Variants in ERBIN observed in about 807,000 individuals in gnomAD.
ERBIN encodes the protein erbb2 interacting protein.
In ERBIN, 60 loss-of-function variants were observed where a neutral mutation model predicts 158.4. The ratio of observed to expected loss-of-function variants is 0.38; its 90% CI spans 0.31 to 0.47. ERBIN has a LOEUF of 0.47. Among genes scored for constraint, ERBIN ranks in the 20% least tolerant of loss-of-function variants. The pLI is 0.99. For missense variants in ERBIN, 1,610 were observed against 1,648.0 expected, an observed-to-expected ratio of 0.98 and a Z score of 0.40; for synonymous variants, 594 against 557.2, an observed-to-expected ratio of 1.07 and a Z score of -0.93.
At chr5:65,962,853 C>G (rs575025909) in intron 1 of ERBIN, among the ~76,000 whole-genome samples, 2 of 152,224 alleles carry the variant, frequency 1.3e-5, no homozygotes, top group East Asian at 1.9e-4. Flanking sequence ...AAGGATGGTT[C>G]TAAAATTTAA....
intron 1 of ERBIN, among the ~76,000 whole-genome samples, chr5:65,976,577 A>G (rs965294794): frequency 5.1e-4 from 75 of 147,144 alleles, no homozygotes; most frequent in African/African-American, 1.7e-3. Context: ...GGGATTTGGC[A>G]GGGTCACAGG....
At chr5:65,962,058 G>C (rs1747986465) in intron 1 of ERBIN, among the ~76,000 whole-genome samples, 1 of 152,148 alleles carries the variant, frequency 6.6e-6, no homozygotes, top group Admixed American at 6.5e-5. Context: ...TTACTAGAGT[G>C]CTTGACTATG....
At chr5:66,013,992 A>G (rs746795783) in intron 6 of ERBIN, among the ~76,000 whole-genome samples, 8 of 152,134 alleles carry the variant, frequency 5.3e-5, no homozygotes, top group African/African-American at 9.7e-5. Flanking sequence ...TTCTTAAGAA[A>G]AGAGAATCTG....
rs56222591 is a variant in ERBIN at position 65,987,367 on chromosome 5, T to TACAC, written c.-57-1243_-57-1240dup. Among the ~76,000 whole-genome samples the TACAC allele has an allele frequency of 7.2e-3, 971 of 135,762 alleles. 6 individuals are homozygous for TACAC. The highest frequency in any genetic ancestry group is 0.01 in the Non-Finnish European group (665 of 64,218). The allele number at this position is 135,762 out of a possible 152,430, so 89.1% of individuals were successfully genotyped here. ...TTGGGCAACATAGTGAGAGACTGTC[T>TACAC]ACACACACACACACACACACACACA... On this transcript the variant is annotated intron_variant, in intron 1 of 25. Coordinates refer to ENST00000284037, the MANE Select transcript of ERBIN (RefSeq NM_001253697.2).
Position 65,932,337 on chromosome 5 carries a change from C to CAA in ERBIN, c.-58+5549_-58+5550dup, listed in dbSNP as rs1040732361. Among the ~76,000 whole-genome samples, 253 of 54,592 alleles carry CAA rather than the reference C, an allele frequency of 4.6e-3. 1 individual carries two copies. Among genetic ancestry groups the CAA allele is most frequent in the African/African-American group, 0.013 (213 of 16,618 alleles). The allele number at this position is 54,592 out of a possible 152,430, so 35.8% of individuals were successfully genotyped here. ...CTGGCGACAGAGCAAGACTCCGTCTCAAAAAAAAAAAAAAAAAAAGACATA... is the reference window on the plus strand; with the variant it reads ...CTGGCGACAGAGCAAGACTCCGTCTCAAAAAAAAAAAAAAAAAAAAAGACATA... On this transcript the variant is annotated intron_variant, in intron 1 of 25. Transcript: ENST00000284037.
chr5:65,956,319 T>TA (rs1285671636), intron 1 of ERBIN, among the ~76,000 whole-genome samples: 1 of 151,992 alleles, frequency 6.6e-6, no homozygotes, highest in Non-Finnish European at 1.5e-5. Flanking sequence ...TTCATTTACT[T>TA]ATCTTTTCAC....
intron 14 of ERBIN, among the ~76,000 whole-genome samples, chr5:66,036,693 T>C (rs1172513965): frequency 6.6e-6 from 1 of 152,218 alleles, no homozygotes; most frequent in Non-Finnish European, 1.5e-5. Context: ...CTCACCACTC[T>C]GTACACAGGA....
At position 65,990,828 on chromosome 5, in the gene ERBIN, A is replaced by G. The variant is rs559697562; in HGVS notation, c.-9-1882A>G. On this transcript the variant is annotated intron_variant, in intron 2 of 25. Coordinates refer to ENST00000284037, the MANE Select transcript of ERBIN (RefSeq NM_001253697.2). The stretch of plus-strand genomic sequence containing the variant: ...CAGGCTGGAGTGCAGTGGCACAATC[A>G]CGGCTCACTGCAGCCTCTGCCTCCC... 2.0e-5 allele frequency among the ~76,000 whole-genome samples: 3 copies of G among 151,440 alleles called. No homozygotes were observed. The South Asian group carries it at 6.3e-4, about 32-fold the overall frequency.
rs894358030 is a variant in ERBIN at position 66,080,501 on chromosome 5, A to G, written c.*1971A>G. 5.3e-5 allele frequency: 8 copies of G among 151,308 alleles called. No homozygotes were observed. The highest frequency in any genetic ancestry group is 4.6e-4 in the Admixed American group (7 of 15,184). 9.4% of individuals were successfully genotyped at this position (151,308 alleles called of 1,614,324 possible). ...TCTAAAAAAAAAAAGAATGACAAAC[A>G]GCTTCTTTAAGACAAGTCTCGGTGT... On this transcript the variant is annotated 3_prime_UTR_variant, in exon 26 of 26. Transcript: ENST00000284037.
At chr5:65,928,552 A>T (rs1055059329) in intron 1 of ERBIN, among the ~76,000 whole-genome samples, 1 of 152,182 alleles carries the variant, frequency 6.6e-6, no homozygotes, top group Non-Finnish European at 1.5e-5. Context: ...AATTTTGTAT[A>T]AAAAAAGTAT....
chr5:65,941,498 T>A (rs1745038860), intron 1 of ERBIN, among the ~76,000 whole-genome samples: 1 of 152,070 alleles, frequency 6.6e-6, no homozygotes, highest in Admixed American at 6.6e-5. Context: ...CATCCTCAGA[T>A]TTTGGCATAT....
chr5:66,004,521 C>T (rs1753376311), intron 4 of ERBIN, among the ~76,000 whole-genome samples: 1 of 152,186 alleles, frequency 6.6e-6, no homozygotes, highest in African/African-American at 2.4e-5. Flanking sequence ...ACCTCAGCCT[C>T]CCAAGTAGCT....
At chr5:66,025,693 TGATAG>T (rs1756170290) in intron 11 of ERBIN, 141 bp downstream of exon 11, 1 of 871,956 alleles carries the variant, frequency 1.1e-6, no homozygotes, top group African/African-American at 1.7e-5. Context: ...AGTGTGTTTA[TGATAG>T]ACAAACCTAC....
intron 1 of ERBIN, among the ~76,000 whole-genome samples, chr5:65,971,388 T>C (rs1235262023): frequency 6.6e-6 from 1 of 152,110 alleles, no homozygotes; most frequent in African/African-American, 2.4e-5. Flanking sequence ...GACAGAGTGA[T>C]TTGCAAAATA....
chr5:65,939,212 G>C lies in ERBIN; in HGVS notation c.-58+12406G>C, dbSNP rs543434650. On this transcript the variant is annotated intron_variant, in intron 1 of 25. Coordinates refer to ENST00000284037, the MANE Select transcript of ERBIN (RefSeq NM_001253697.2). ...CCAGCACTTTGGGAGGCTGAGGCGGGTGGATCACGAGGCCAGGAGGTGGAG... is the reference window on the plus strand; with the variant it reads ...CCAGCACTTTGGGAGGCTGAGGCGGCTGGATCACGAGGCCAGGAGGTGGAG... Among the ~76,000 whole-genome samples, 5 of 152,212 alleles carry C rather than the reference G, an allele frequency of 3.3e-5. No individual in the cohort carries two copies. The South Asian group carries it at 1.0e-3, about 32-fold the overall frequency.
chr5:66,017,681 G>A (rs759204750), intron 7 of ERBIN, among the ~76,000 whole-genome samples: 4 of 151,860 alleles, frequency 2.6e-5, no homozygotes, highest in Non-Finnish European at 5.9e-5. Context: ...AATCCCATTT[G>A]TCTATTTTTG....
At chr5:65,946,268 A>AT (rs934370700) in intron 1 of ERBIN, among the ~76,000 whole-genome samples, 39 of 152,070 alleles carry the variant, frequency 2.6e-4, no homozygotes, top group African/African-American at 9.4e-4. Context: ...GGAGGCTAAG[A>AT]TGGAGGTATT....
chr5:65,971,858 TCTG>T (rs1432721525), intron 1 of ERBIN, among the ~76,000 whole-genome samples: 1 of 152,134 alleles, frequency 6.6e-6, no homozygotes, highest in African/African-American at 2.4e-5. Context: ...CCCTTTCCAA[TCTG>T]CTCCATCTAG....
chr5:66,037,016 A>C (rs758741567), intron 14 of ERBIN, among the ~76,000 whole-genome samples: 1 of 152,194 alleles, frequency 6.6e-6, no homozygotes, highest in East Asian at 1.9e-4. Context: ...GGTTTTTAGT[A>C]TAGTCACAGA....
Sources: gnomAD v4.1 joint callset for allele counts (sites outside exome capture counted in the v4.1 genomes callset) on GRCh38, gnomAD v4.1.1 for gene constraint, MANE v1.5 for transcripts, NCBI Gene and HGNC (gene_info 2026-07-23, HGNC 2026-07-21) for gene names.